The following TPRG1 variants were observed in gnomAD, a reference collection of about 807,000 sequenced individuals.
TPRG1 encodes tumor protein p63-regulated gene 1 protein.
TPRG1 carries 29 observed loss-of-function variants against 29.3 expected under a neutral mutation model. The ratio of observed to expected loss-of-function variants is 0.99; its 90% CI spans 0.74 to 1.35. The LOEUF (loss-of-function observed/expected upper bound fraction) is 1.35, where lower values mean the gene tolerates loss of function less well. Among genes scored for constraint, TPRG1 ranks in the 40% most tolerant of loss-of-function variants. The pLI is 0.00. For missense variants in TPRG1, 327 were observed against 335.0 expected, an observed-to-expected ratio of 0.98 and a Z score of 0.19; for synonymous variants, 130 against 116.8, an observed-to-expected ratio of 1.11 and a Z score of -0.73.
At chr3:189,316,004 A>G (rs980384989) in intron 5 of TPRG1, among the ~76,000 whole-genome samples, 4 of 152,240 alleles carry the variant, frequency 2.6e-5, no homozygotes, top group African/African-American at 9.6e-5. Context: ...GGGAAAAGAC[A>G]TTTTAATTAG....
chr3:189,310,129 G>A (rs1008173217), intron 4 of TPRG1: 10 of 241,922 alleles, frequency 4.1e-5, no homozygotes, highest in East Asian at 7.9e-5. Context: ...ATCAATATCC[G>A]TATTTCCAGC....
chr3:189,289,054 G>T (rs1017277204), intron 4 of TPRG1, among the ~76,000 whole-genome samples: 2 of 152,182 alleles, frequency 1.3e-5, no homozygotes, highest in African/African-American at 4.8e-5. Flanking sequence ...GCTGAAAAAA[G>T]CTGATTGGAC....
At chr3:189,098,891 C>T (rs1384029739), upstream of TPRG1, among the ~76,000 whole-genome samples, 1 of 152,150 alleles carries the variant, frequency 6.6e-6, no homozygotes, top group Non-Finnish European at 1.5e-5. Context: ...GTCCTGAACC[C>T]TTGTCACCCT....
intron 1 of TPRG1, among the ~76,000 whole-genome samples, chr3:189,108,296 G>A (rs1039725738): frequency 2.0e-5 from 3 of 152,130 alleles, no homozygotes; most frequent in African/African-American, 7.2e-5. Flanking sequence ...GCTGGAAGCA[G>A]GGGCAAGCTG....
chr3:189,007,254 C>A (rs1010646478), intron 3 of TPRG1, among the ~76,000 whole-genome samples: 1 of 151,498 alleles, frequency 6.6e-6, no homozygotes, highest in African/African-American at 2.4e-5. Context: ...ACAGACACTT[C>A]TCAAAAGAAG....
intron 4 of TPRG1, among the ~76,000 whole-genome samples, chr3:189,253,960 T>G (rs950640221): frequency 1.3e-5 from 2 of 152,200 alleles, no homozygotes; most frequent in African/African-American, 4.8e-5. Context: ...TCTTTTCTTG[T>G]AAATTTGTTT....
intron 1 of TPRG1, among the ~76,000 whole-genome samples, chr3:189,186,182 TA>T (rs1441917148): frequency 1.3e-5 from 2 of 152,216 alleles, no homozygotes; most frequent in Non-Finnish European, 2.9e-5. Flanking sequence ...TTTCACTATG[TA>T]AAAAATCCAG....
At chr3:189,200,178 G>A (rs183846932) in intron 1 of TPRG1, among the ~76,000 whole-genome samples, 15 of 152,294 alleles carry the variant, frequency 9.8e-5, no homozygotes, top group African/African-American at 3.4e-4. Context: ...AGCTGGGAAG[G>A]GAGAAAGCCT....
At chr3:189,058,788 G>C (rs2152143340) in intron 4 of TPRG1, among the ~76,000 whole-genome samples, 1 of 152,286 alleles carries the variant, frequency 6.6e-6, no homozygotes, top group South Asian at 2.1e-4. Context: ...TTATCGCTGG[G>C]GCTGAAGGAG....
rs116142872 is a variant in TPRG1 at position 189,090,684 on chromosome 3, C to T, written c.-462-36373C>T. On this transcript the variant is annotated intron_variant, in intron 4 of 10. Coordinates refer to the TPRG1 transcript ENST00000433971. ...CCTTGAGTTCTGCCTTTTATATTAACGTTAATATATCTACTATTTTCAACA... is the reference window on the plus strand; with the variant it reads ...CCTTGAGTTCTGCCTTTTATATTAATGTTAATATATCTACTATTTTCAACA... Among the ~76,000 whole-genome samples the T allele has an allele frequency of 6.4e-3, 978 of 151,986 alleles. 6 individuals are homozygous for T. Among genetic ancestry groups the T allele is most frequent in the African/African-American group, 0.021 (880 of 41,510 alleles).
At chr3:189,312,984 G>A (rs1411294279) in intron 5 of TPRG1, 6 of 152,034 alleles carry the variant, frequency 3.9e-5, no homozygotes, top group Admixed American at 6.6e-5. Flanking sequence ...AAACTACTTC[G>A]CGGATCTGTT....
intron 3 of TPRG1, among the ~76,000 whole-genome samples, chr3:189,014,255 C>T (rs1327710984): frequency 6.6e-6 from 1 of 152,104 alleles, no homozygotes. Flanking sequence ...TTTATTTCTC[C>T]TTCACTTATG....
At chr3:189,059,557 A>G (rs1462402125) in intron 4 of TPRG1, among the ~76,000 whole-genome samples, 1 of 151,908 alleles carries the variant, frequency 6.6e-6, no homozygotes, top group Non-Finnish European at 1.5e-5. Flanking sequence ...GCGCCACTGC[A>G]CTCCAGCCTG....
intron 3 of TPRG1, among the ~76,000 whole-genome samples, chr3:189,218,197 C>T (rs1736369562): frequency 6.6e-6 from 1 of 152,122 alleles, no homozygotes; most frequent in African/African-American, 2.4e-5. Context: ...ACTGCAAGCT[C>T]TGCCTCCCGG....
At chr3:189,091,054 G>T (rs144689529) in intron 4 of TPRG1, among the ~76,000 whole-genome samples, 3 of 152,142 alleles carry the variant, frequency 2.0e-5, no homozygotes, top group African/African-American at 4.8e-5. Flanking sequence ...AAATGAGAAT[G>T]ATTATAATTA....
At chr3:189,312,143 T>TCTC (rs1722687272) in intron 5 of TPRG1, among the ~76,000 whole-genome samples, 1 of 61,286 alleles carries the variant, frequency 1.6e-5, no homozygotes, top group African/African-American at 7.5e-5. Flanking sequence ...CTTTCTTTCT[T>TCTC]TCTTTCTTTC....
rs866931180 is a variant in TPRG1 at position 189,323,577 on chromosome 3, G to A, written c.*2757G>A. 2.6e-5 allele frequency: 4 copies of A among 152,038 alleles called. No individual in the cohort carries two copies. The East Asian group carries it at 7.7e-4, about 29-fold the overall frequency. 9.4% of individuals were successfully genotyped at this position (152,038 alleles called of 1,614,324 possible). A position where few individuals can be genotyped will look rare whatever the true frequency, so the allele number is the denominator to read the frequency against. On this transcript the variant is annotated 3_prime_UTR_variant, in exon 6 of 6. Coordinates refer to ENST00000345063, the MANE Select transcript of TPRG1 (RefSeq NM_198485.4). The stretch of plus-strand genomic sequence containing the variant: ...CAGAAATTGTTTCTTCATTACCATC[G>A]ACCTACTGATTATGGTTTTCTCATT...
At chr3:189,001,633 T>C (rs1381592717) in intron 2 of TPRG1, among the ~76,000 whole-genome samples, 1 of 152,124 alleles carries the variant, frequency 6.6e-6, no homozygotes, top group Non-Finnish European at 1.5e-5. Flanking sequence ...AGTTTCAACA[T>C]ATAGATTTTG....
At chr3:189,255,817 G>A (rs564827746) in intron 4 of TPRG1, among the ~76,000 whole-genome samples, 14 of 152,306 alleles carry the variant, frequency 9.2e-5, no homozygotes, top group Non-Finnish European at 1.5e-4. Flanking sequence ...GCATAGACGT[G>A]TTCATAGTAT....
Sources: gnomAD v4.1 joint callset for allele counts (sites outside exome capture counted in the v4.1 genomes callset) on GRCh38, gnomAD v4.1.1 for gene constraint, MANE v1.5 for transcripts, NCBI Gene and HGNC (gene_info 2026-07-23, HGNC 2026-07-21) for gene names.